The following CYP7B1 variants were observed in gnomAD, a reference collection of about 807,000 sequenced individuals.
CYP7B1 encodes the protein cytochrome P450 7B1.
CYP7B1 carries 29 observed loss-of-function variants against 42.7 expected under a neutral mutation model. The observed-to-expected ratio is 0.68, with a 90% confidence interval of 0.51 to 0.93. The LOEUF is 0.93. Among genes scored for constraint, CYP7B1 ranks in the 40% least tolerant of loss-of-function variants. The pLI is 0.00. For missense variants in CYP7B1, 655 were observed against 600.5 expected, an observed-to-expected ratio of 1.09 and a Z score of -0.95; for synonymous variants, 235 against 218.2, an observed-to-expected ratio of 1.08 and a Z score of -0.68.
intron 1 of CYP7B1, chr8:64,727,809 T>A (rs1262300236): frequency 6.6e-6 from 1 of 152,180 alleles, no homozygotes; most frequent in Non-Finnish European, 1.5e-5. Flanking sequence ...TCCAATGGTA[T>A]CTTCTATTTC....
chr8:64,771,944 C>T (rs1028323466), intron 1 of CYP7B1, among the ~76,000 whole-genome samples: 1 of 152,216 alleles, frequency 6.6e-6, no homozygotes, highest in African/African-American at 2.4e-5. Flanking sequence ...TACCATATTC[C>T]CTACTCCATT....
chr8:64,729,048 TA>T (rs1807369556), intron 1 of CYP7B1: 1 of 152,150 alleles, frequency 6.6e-6, no homozygotes. Context: ...TAGTCCCAGC[TA>T]TCAGGGAGGC....
chr8:64,733,818 T>A (rs1202983751), intron 1 of CYP7B1, among the ~76,000 whole-genome samples: 1 of 151,862 alleles, frequency 6.6e-6, no homozygotes, highest in Admixed American at 6.6e-5. Context: ...AATTTTTTTT[T>A]AGTTAGCCAG....
intron 4 of CYP7B1, among the ~76,000 whole-genome samples, chr8:64,608,461 A>G (rs1805315645): frequency 6.6e-6 from 1 of 152,220 alleles, no homozygotes. Flanking sequence ...GGGTCATCTT[A>G]ATGATTGGTG....
intron 1 of CYP7B1, among the ~76,000 whole-genome samples, chr8:64,671,166 A>C (rs1267874885): frequency 6.6e-6 from 1 of 152,160 alleles, no homozygotes; most frequent in Admixed American, 6.5e-5. Context: ...TATTCAATTT[A>C]TGTAAATGCC....
At chr8:64,588,377 T>C (rs1015577070), downstream of CYP7B1, among the ~76,000 whole-genome samples, 3 of 152,252 alleles carry the variant, frequency 2.0e-5, no homozygotes, top group African/African-American at 7.2e-5. Context: ...GTATAAGTTT[T>C]AGAAGAAAGT....
chr8:64,781,470 G>A (rs1281164262), intron 1 of CYP7B1, among the ~76,000 whole-genome samples: 3 of 152,068 alleles, frequency 2.0e-5, no homozygotes, highest in African/African-American at 7.2e-5. Context: ...CCTTTCTGGA[G>A]GCTCCAGGGA....
chr8:64,656,350 A>T (rs112627505), intron 1 of CYP7B1, among the ~76,000 whole-genome samples: 2,011 of 152,338 alleles, frequency 0.013, 22 homozygotes, highest in Non-Finnish European at 0.02. Flanking sequence ...AGTAAATGTC[A>T]TGGGGGGTAG....
At chr8:64,730,212 C>T (rs565252343) in intron 1 of CYP7B1, among the ~76,000 whole-genome samples, 1 of 152,186 alleles carries the variant, frequency 6.6e-6, no homozygotes, top group East Asian at 1.9e-4. Context: ...CAGGCACATG[C>T]CACCATGTCC....
intron 4 of CYP7B1, among the ~76,000 whole-genome samples, chr8:64,614,682 A>C (rs950223664): frequency 6.6e-6 from 1 of 152,176 alleles, no homozygotes; most frequent in African/African-American, 2.4e-5. Flanking sequence ...TTCAATCCCT[A>C]AATACTTCTT....
intron 1 of CYP7B1, among the ~76,000 whole-genome samples, chr8:64,633,106 A>G (rs1283987227): frequency 6.6e-6 from 1 of 152,154 alleles, no homozygotes. Context: ...ATAAATTTAC[A>G]TTTCTGCACA....
At chr8:64,753,090 A>G (rs1807754053) in intron 1 of CYP7B1, among the ~76,000 whole-genome samples, 1 of 152,244 alleles carries the variant, frequency 6.6e-6, no homozygotes, top group Non-Finnish European at 1.5e-5. Context: ...TTTCCACTGA[A>G]GATTTAAAGA....
intron 1 of CYP7B1, among the ~76,000 whole-genome samples, chr8:64,689,715 C>T (rs1029974314): frequency 3.3e-5 from 5 of 151,920 alleles, no homozygotes; most frequent in African/African-American, 4.8e-5. Context: ...TACAGGTGTG[C>T]GCCACTACTG....
chr8:64,677,367 A>G (rs1235014608), intron 1 of CYP7B1, among the ~76,000 whole-genome samples: 1 of 151,536 alleles, frequency 6.6e-6, no homozygotes, highest in Non-Finnish European at 1.5e-5. Context: ...CATTTAAATA[A>G]CAGCTAATAA....
At chr8:64,703,626 C>T (rs942473207) in intron 1 of CYP7B1, 6 of 151,992 alleles carry the variant, frequency 3.9e-5, no homozygotes, top group South Asian at 2.1e-4. Context: ...TGTTGGTCAA[C>T]GGCTCTGTCA....
At position 64,724,358 on chromosome 8, in the gene CYP7B1, G is replaced by C. The variant is rs528856145; in HGVS notation, c.122+74108C>G. Reference sequence around the variant, plus strand: ...GACGGGGTTTCACCATGTTGGCCAGGCTTGTCTCTAACTCCTGGCCTCGCG... The same window carrying C: ...GACGGGGTTTCACCATGTTGGCCAGCCTTGTCTCTAACTCCTGGCCTCGCG... On this transcript the variant is annotated intron_variant, in intron 1 of 5. Transcript: ENST00000310193. Among the ~76,000 whole-genome samples the C allele has an allele frequency of 5.9e-5, 9 of 152,038 alleles. No individual in the cohort carries two copies. In the East Asian group the frequency reaches 1.7e-3, roughly 29 times the overall value.
At chr8:64,777,897 T>A (rs2129663726) in intron 1 of CYP7B1, among the ~76,000 whole-genome samples, 2 of 151,904 alleles carry the variant, frequency 1.3e-5, no homozygotes, top group African/African-American at 4.8e-5. Flanking sequence ...TGTAAAAAAA[T>A]AAAATTTTCA....
At chr8:64,646,825 C>G (rs1334278712) in intron 1 of CYP7B1, among the ~76,000 whole-genome samples, 1 of 152,170 alleles carries the variant, frequency 6.6e-6, no homozygotes, top group African/African-American at 2.4e-5. Flanking sequence ...ATTCAGACGG[C>G]TAAAACTTTT....
At chr8:64,680,265 T>C (rs2129631922) in intron 1 of CYP7B1, among the ~76,000 whole-genome samples, 1 of 152,268 alleles carries the variant, frequency 6.6e-6, no homozygotes, top group East Asian at 1.9e-4. Flanking sequence ...ACATGCTTAC[T>C]TTAGTCTATC....
Sources: allele counts gnomAD v4.1 joint callset (sites outside exome capture counted in the v4.1 genomes callset), GRCh38; gene constraint gnomAD v4.1.1; transcripts MANE v1.5; gene names NCBI Gene and HGNC (gene_info 2026-07-23, HGNC 2026-07-21).